KIF14: variants seen among roughly 807,000 people sequenced by gnomAD.
The protein encoded by KIF14 is kinesin-like protein KIF14.
A neutral mutation model predicts 176.2 loss-of-function variants in KIF14; 98 were observed. The observed-to-expected ratio is 0.56, with a 90% CI of 0.47 to 0.66. KIF14 has a LOEUF of 0.66. Ranked by LOEUF, KIF14 falls within the 30% of genes least tolerant of loss-of-function variation. KIF14 has a pLI of 0.00. For synonymous variants in KIF14, 566 were observed against 632.2 expected (o/e 0.90, Z 1.57); for missense variants, 1,751 against 1,920.4 (o/e 0.91, Z 1.65).
intron 4 of KIF14, among the ~76,000 whole-genome samples, chr1:200,609,518 G>A (rs1380449368): frequency 6.6e-6 from 1 of 152,076 alleles, no homozygotes; most frequent in African/African-American, 2.4e-5. Flanking sequence ...GCATGGTGCC[G>A]GGCGCCTGTA....
intron 14 of KIF14, among the ~76,000 whole-genome samples, chr1:200,595,463 G>A (rs1008094443): frequency 2.0e-5 from 3 of 152,156 alleles, no homozygotes; most frequent in Non-Finnish European, 2.9e-5. Flanking sequence ...AGGAAGGTAC[G>A]AAAAATGGAA....
At chr1:200,588,248 G>GTTT (rs201090107) in intron 18 of KIF14, among the ~76,000 whole-genome samples, 2,184 of 139,522 alleles carry the variant, frequency 0.016, 33 homozygotes, top group Non-Finnish European at 0.023. Flanking sequence ...TGTTTGTTTT[G>GTTT]TTTTTTTTTT....
rs1319748328 is a variant in KIF14, at chr1:200,589,281, T to A, written c.3050A>T (p.His1017Leu). ...GTTGACATATATTTCCTGTTCAAGA[T>A]GCTGCTTTGCCTTTTCTAATTCCTC... Reference protein sequence around the residue: ...KIEELEKAKQHLEQEIYVNKK... With the variant: ...KIEELEKAKQLLEQEIYVNKK... The change falls in exon 18 of 30, where the codon CAT becomes CTT. Residue 1017 changes from histidine (H) to leucine (L), a missense_variant. Transcript: ENST00000367350. The A allele has an allele frequency of 6.2e-7, 1 of 1,612,060 alleles. No homozygotes were observed. Among genetic ancestry groups the A allele is most frequent in the Non-Finnish European group, 8.5e-7 (1 of 1,178,584 alleles).
At chr1:200,562,006 T>A (rs1464888882) in intron 25 of KIF14, among the ~76,000 whole-genome samples, 1 of 152,184 alleles carries the variant, frequency 6.6e-6, no homozygotes, top group Non-Finnish European at 1.5e-5. Context: ...AAAAAAGGAA[T>A]GAGGAAGCTT....
intron 21 of KIF14, among the ~76,000 whole-genome samples, chr1:200,577,327 A>C (rs1336897753): frequency 6.6e-6 from 1 of 151,588 alleles, no homozygotes; most frequent in Admixed American, 6.6e-5. Flanking sequence ...GTCTCAAAAC[A>C]AACAAACAAA....
At chr1:200,580,455 G>A (rs1283472988) in intron 20 of KIF14, 72 bp from the exon 21 acceptor site, 3 of 1,021,906 alleles carry the variant, frequency 2.9e-6, no homozygotes, top group East Asian at 3.0e-5. Flanking sequence ...AGTTTTCTGG[G>A]GTAGAATAAT....
chr1:200,577,687 G>A (rs1658199876), intron 21 of KIF14, among the ~76,000 whole-genome samples: 1 of 150,918 alleles, frequency 6.6e-6, no homozygotes, highest in South Asian at 2.1e-4. Flanking sequence ...GCAACGGAGT[G>A]AGACTCCGTC....
At chr1:200,561,874 A>T (rs1461785824) in intron 25 of KIF14, among the ~76,000 whole-genome samples, 1 of 152,204 alleles carries the variant, frequency 6.6e-6, no homozygotes, top group East Asian at 1.9e-4. Flanking sequence ...CAGTTAATAA[A>T]GATATGATTT....
intron 25 of KIF14, among the ~76,000 whole-genome samples, chr1:200,563,618 A>G (rs1657281041): frequency 6.6e-6 from 1 of 152,112 alleles, no homozygotes; most frequent in African/African-American, 2.4e-5. Flanking sequence ...GGCTGGTCTC[A>G]AAGTCCCAGG....
chr1:200,563,187 G>A (rs1657256371), intron 25 of KIF14, among the ~76,000 whole-genome samples: 1 of 151,998 alleles, frequency 6.6e-6, no homozygotes, highest in African/African-American at 2.4e-5. Flanking sequence ...AGCCCATTCA[G>A]GAAGTATTTG....
At chr1:200,617,004 G>A (rs1416474434) in intron 2 of KIF14, among the ~76,000 whole-genome samples, 2 of 152,126 alleles carry the variant, frequency 1.3e-5, no homozygotes, top group Non-Finnish European at 2.9e-5. Flanking sequence ...GTCTCGTTCT[G>A]TCGCCCAGGC....
At position 200,619,594 on chromosome 1, in the gene KIF14, G is replaced by A. The variant is rs536368396; in HGVS notation, c.-115-756C>T. On this transcript the variant is annotated intron_variant, in intron 1 of 29. Coordinates refer to ENST00000367350, the MANE Select transcript of KIF14 (RefSeq NM_014875.3). ...TCTCGATATCTTGACCTTGTGATCC[G>A]CCCGCCTCGGCCTCCCAAAGTGCTG... 7.9e-5 allele frequency among the ~76,000 whole-genome samples: 12 copies of A among 152,162 alleles called. No homozygotes were observed. The South Asian group carries it at 8.3e-4, about 11-fold the overall frequency.
At chr1:200,600,212 A>T in intron 12 of KIF14, 99 bp from the exon 13 acceptor site, 1 of 1,165,154 alleles carries the variant, frequency 8.6e-7, no homozygotes, top group South Asian at 1.3e-5. Context: ...CTACCTAGTA[A>T]TATTTAAAAT....
At chr1:200,599,532 G>T (rs1659525379) in intron 13 of KIF14, among the ~76,000 whole-genome samples, 1 of 152,054 alleles carries the variant, frequency 6.6e-6, no homozygotes, top group South Asian at 2.1e-4. Context: ...AATTCTTATA[G>T]TACTCCCCCA....
At chr1:200,610,489 G>A (rs976680345) in intron 4 of KIF14, among the ~76,000 whole-genome samples, 6 of 137,536 alleles carry the variant, frequency 4.4e-5, no homozygotes, top group African/African-American at 1.7e-4. Context: ...CAGCCTGGGT[G>A]ACAGAGCGAG....
chr1:200,591,662 T>C (rs1361749673), intron 16 of KIF14, among the ~76,000 whole-genome samples: 1 of 152,198 alleles, frequency 6.6e-6, no homozygotes, highest in Admixed American at 6.5e-5. Context: ...TAAATTCTAA[T>C]CGTCTATTGG....
chr1:200,605,189 T>C, intron 8 of KIF14, 94 bp downstream of exon 8: 1 of 1,228,216 alleles, frequency 8.1e-7, no homozygotes, highest in East Asian at 2.3e-5. Flanking sequence ...GGGTGAAAAC[T>C]GAATGAGATC....
At chr1:200,586,068 A>T (rs1658721444) in intron 19 of KIF14, 33 bp downstream of exon 19, 1 of 1,409,782 alleles carries the variant, frequency 7.1e-7, no homozygotes, top group Non-Finnish European at 9.5e-7. Context: ...GCATAATTTT[A>T]GAAAATGTTT....
chr1:200,606,615 G>C (rs1659892849), intron 6 of KIF14, 131 bp downstream of exon 6: 1 of 769,794 alleles, frequency 1.3e-6, no homozygotes, highest in African/African-American at 1.9e-5. Context: ...AGGGTAGAAG[G>C]CTAAATAAAT....
Sources: gnomAD v4.1 joint callset for allele counts (sites outside exome capture counted in the v4.1 genomes callset) on GRCh38, gnomAD v4.1.1 for gene constraint, MANE v1.5 for transcripts, NCBI Gene and HGNC (gene_info 2026-07-23, HGNC 2026-07-21) for gene names.